CHEK1: variants seen among roughly 807,000 people sequenced by gnomAD.
CHEK1 encodes the protein serine/threonine-protein kinase Chk1.
A neutral mutation model predicts 60.2 loss-of-function variants in CHEK1; 32 were observed. That is an observed-to-expected ratio of 0.53 (90% confidence interval 0.40 to 0.71). The LOEUF (loss-of-function observed/expected upper bound fraction) is 0.71. Ranked by LOEUF, CHEK1 falls within the 30% of genes least tolerant of loss-of-function variation. The pLI is 0.00. For missense variants in CHEK1, 399 were observed against 564.6 expected (o/e 0.71, Z 2.97); for synonymous variants, 179 against 187.2 (o/e 0.96, Z 0.36).
intron 11 of CHEK1, among the ~76,000 whole-genome samples, chr11:125,648,950 G>A (rs1255661752): frequency 6.6e-6 from 1 of 152,028 alleles, no homozygotes; most frequent in Non-Finnish European, 1.5e-5. Flanking sequence ...AAGTAGCTGG[G>A]ACTACAGGTG....
In CHEK1 at chr11:125,633,136, G is replaced by A. The variant is rs145588483; in HGVS notation, c.425-27G>A. ...TCTATTTGCAAAACATTTTTATTCA[G>A]TGTCATCTTTTTTTCTTTTGGTTTA... On this transcript the variant is annotated intron_variant, in intron 5 of 12. Coordinates refer to ENST00000438015, the MANE Select transcript of CHEK1 (RefSeq NM_001114122.3). The A allele has an allele frequency of 2.3e-5, 36 of 1,543,018 alleles. No individual in the cohort carries two copies. The African/African-American group carries it at 5.0e-4, about 21-fold the overall frequency.
At chr11:125,675,208 C>A (rs370989065) in intron 13 of CHEK1, among the ~76,000 whole-genome samples, 7 of 152,174 alleles carry the variant, frequency 4.6e-5, no homozygotes, top group Non-Finnish European at 1.0e-4. Flanking sequence ...TGGCCCAAAT[C>A]GTAAATGTTC....
At chr11:125,677,979 A>T (rs773935296), downstream of CHEK1, 1 of 1,612,268 alleles carries the variant, frequency 6.2e-7, no homozygotes, top group East Asian at 2.2e-5. Flanking sequence ...TTCTCCGGAG[A>T]GGTGTTCACC....
At chr11:125,658,203 G>A (rs544463842), downstream of CHEK1, among the ~76,000 whole-genome samples, 1 of 152,128 alleles carries the variant, frequency 6.6e-6, no homozygotes, top group African/African-American at 2.4e-5. Context: ...CAAGTAACTG[G>A]GACCACAGGC....
intron 13 of CHEK1, among the ~76,000 whole-genome samples, chr11:125,674,499 G>C (rs1238003365): frequency 6.6e-6 from 1 of 152,224 alleles, no homozygotes; most frequent in Non-Finnish European, 1.5e-5. Flanking sequence ...GCTGGAGTAA[G>C]TGTAGAGTGT....
intron 8 of CHEK1, 67 bp from the exon 9 acceptor site, chr11:125,643,724 GT>G: frequency 8.2e-7 from 1 of 1,222,792 alleles, no homozygotes; most frequent in Middle Eastern, 1.9e-4. Context: ...CAAGTTGCCA[GT>G]TGGGTTAATT....
intron 11 of CHEK1, among the ~76,000 whole-genome samples, chr11:125,648,350 T>A (rs554047): frequency 0.85 from 129,204 of 151,954 alleles, 55,138 homozygotes; most frequent in South Asian, 0.95. Context: ...TGGGAGGCCG[T>A]TGCGGGTGGA....
intron 8 of CHEK1, among the ~76,000 whole-genome samples, chr11:125,638,512 T>A (rs1202725755): frequency 6.6e-6 from 1 of 152,208 alleles, no homozygotes; most frequent in African/African-American, 2.4e-5. Flanking sequence ...AGAAAAGAGT[T>A]AATGTTTAAA....
chr11:125,676,761 AG>A (rs1255533888), downstream of CHEK1, among the ~76,000 whole-genome samples: 5 of 152,152 alleles, frequency 3.3e-5, no homozygotes, highest in Non-Finnish European at 5.9e-5. Context: ...ATTTATCATT[AG>A]ATACCCTTCT....
At chr11:125,634,556 C>T (rs561845291) in intron 6 of CHEK1, among the ~76,000 whole-genome samples, 5 of 151,976 alleles carry the variant, frequency 3.3e-5, no homozygotes, top group Non-Finnish European at 7.4e-5. Context: ...AACTCCTGGG[C>T]TCAAGTAATC....
At chr11:125,629,573 A>G (rs1207911538) in intron 5 of CHEK1, 113 bp downstream of exon 5, 10 of 729,342 alleles carry the variant, frequency 1.4e-5, no homozygotes, top group Non-Finnish European at 2.1e-5. Flanking sequence ...GTCTTTTTGC[A>G]TTACTGGAAT....
At chr11:125,651,516 G>C (rs1417470030) in intron 11 of CHEK1, among the ~76,000 whole-genome samples, 2 of 152,024 alleles carry the variant, frequency 1.3e-5, no homozygotes, top group Non-Finnish European at 2.9e-5. Context: ...TTGAACTCCT[G>C]ACCTCAGGTG....
chr11:125,651,152 G>C (rs1207601256), intron 11 of CHEK1, among the ~76,000 whole-genome samples: 1 of 152,008 alleles, frequency 6.6e-6, no homozygotes, highest in African/African-American at 2.4e-5. Context: ...TAGTCTGTTT[G>C]CACCAGTTGC....
chr11:125,672,796 T>A, intron 13 of CHEK1: 2 of 1,560,532 alleles, frequency 1.3e-6, no homozygotes, highest in Non-Finnish European at 1.7e-6. Flanking sequence ...GCTCAGTGTC[T>A]CCATGCAGGA....
At chr11:125,661,232 T>G (rs2136077393), downstream of CHEK1, among the ~76,000 whole-genome samples, 1 of 152,324 alleles carries the variant, frequency 6.6e-6, no homozygotes, top group Admixed American at 6.5e-5. Flanking sequence ...TTGGATTTAT[T>G]TCTATCATCT....
intron 7 of CHEK1, chr11:125,635,772 C>T: frequency 3.9e-6 from 1 of 253,490 alleles, no homozygotes; most frequent in Non-Finnish European, 7.5e-6. Flanking sequence ...CTTGAATCTG[C>T]TCTTAGATGG....
rs1940539679 is a variant in CHEK1 at position 125,625,365 on chromosome 11, C to A, written c.-668C>A. On this transcript the variant is annotated 5_prime_UTR_variant, in exon 1 of 13. Coordinates refer to ENST00000438015, the MANE Select transcript of CHEK1 (RefSeq NM_001114122.3). Reference sequence around the variant, plus strand: ...GCTTTCTCCGGGAAACTTGCCCCGCCACACACACTTGACTGCGTGGCCAGT... The same window carrying A: ...GCTTTCTCCGGGAAACTTGCCCCGCAACACACACTTGACTGCGTGGCCAGT... The A allele has an allele frequency of 1.6e-5, 4 of 253,994 alleles. No homozygotes were observed. The highest frequency in any genetic ancestry group is 3.0e-5 in the Non-Finnish European group (4 of 131,474). 15.7% of individuals were successfully genotyped at this position (253,994 alleles called of 1,614,324 possible).
intron 11 of CHEK1, among the ~76,000 whole-genome samples, chr11:125,651,532 C>T (rs1450153636): frequency 6.6e-6 from 1 of 152,090 alleles, no homozygotes. Flanking sequence ...AGGTGATCCA[C>T]CCACCTCGGC....
chr11:125,655,128 T>G (rs1200949532), intron 12 of CHEK1, 97 bp from the exon 13 acceptor site: 1 of 830,440 alleles, frequency 1.2e-6, no homozygotes, highest in Non-Finnish European at 1.9e-6. Flanking sequence ...CTAAAGATGT[T>G]TGTCTCTTGT....
Sources: allele counts gnomAD v4.1 joint callset (sites outside exome capture counted in the v4.1 genomes callset), GRCh38; gene constraint gnomAD v4.1.1; transcripts MANE v1.5; gene names NCBI Gene and HGNC (gene_info 2026-07-23, HGNC 2026-07-21).